CERS6: variants seen among roughly 807,000 people sequenced by gnomAD.
CERS6 encodes LAG1 homolog, ceramide synthase 6.
CERS6 carries 26 observed loss-of-function variants against 56.8 expected under a neutral mutation model. That is an observed-to-expected ratio of 0.46 (90% CI 0.34 to 0.63). The LOEUF is 0.63. Ranked by LOEUF, CERS6 falls within the 30% of genes least tolerant of loss-of-function variation. The pLI is 0.01. For synonymous variants in CERS6, 164 were observed against 173.3 expected (o/e 0.95, Z 0.42); for missense variants, 415 against 467.5 (o/e 0.89, Z 1.04).
chr2:168,711,481 C>A (rs576404089), intron 6 of CERS6, among the ~76,000 whole-genome samples: 22 of 152,290 alleles, frequency 1.4e-4, no homozygotes, highest in African/African-American at 4.6e-4. Context: ...AGCCTGTAAT[C>A]CTAGCACTTT....
At chr2:168,467,895 A>G (rs1348290047) in intron 1 of CERS6, among the ~76,000 whole-genome samples, 2 of 152,194 alleles carry the variant, frequency 1.3e-5, no homozygotes, top group Non-Finnish European at 2.9e-5. Context: ...ACATGGGGTC[A>G]TGGTACAACT....
At chr2:168,653,502 T>C (rs1175693174) in intron 4 of CERS6, among the ~76,000 whole-genome samples, 1 of 152,254 alleles carries the variant, frequency 6.6e-6, no homozygotes, top group Non-Finnish European at 1.5e-5. Context: ...AAATACCTTA[T>C]GTTAAAATTA....
At chr2:168,548,957 C>G (rs907927276) in intron 2 of CERS6, among the ~76,000 whole-genome samples, 13 of 152,054 alleles carry the variant, frequency 8.5e-5, no homozygotes, top group African/African-American at 2.9e-4. Context: ...ACATATCTTA[C>G]AGTATTTAAA....
At chr2:168,566,800 C>CCA (rs1695891814) in intron 3 of CERS6, among the ~76,000 whole-genome samples, 2 of 144,268 alleles carry the variant, frequency 1.4e-5, no homozygotes, top group Non-Finnish European at 3.0e-5. Context: ...CACCTACTTG[C>CCA]AAAAAAAAAA....
chr2:168,536,093 G>C (rs1307200417), intron 1 of CERS6, among the ~76,000 whole-genome samples: 1 of 152,176 alleles, frequency 6.6e-6, no homozygotes, highest in African/African-American at 2.4e-5. Context: ...GCTAGCAAAA[G>C]TGATCCTAAA....
At chr2:168,631,542 T>C (rs1684721216) in intron 4 of CERS6, among the ~76,000 whole-genome samples, 1 of 110,266 alleles carries the variant, frequency 9.1e-6, no homozygotes, top group African/African-American at 3.3e-5. Flanking sequence ...ATATTAAATA[T>C]ATTATATTTT....
intron 4 of CERS6, among the ~76,000 whole-genome samples, chr2:168,641,275 C>CT (rs1685037376): frequency 6.6e-6 from 1 of 151,662 alleles, no homozygotes; most frequent in Admixed American, 6.6e-5. Flanking sequence ...TTAGACGTGT[C>CT]TTTCAATTAA....
intron 4 of CERS6, among the ~76,000 whole-genome samples, chr2:168,646,365 T>G (rs1574126219): frequency 6.6e-6 from 1 of 152,210 alleles, no homozygotes; most frequent in Admixed American, 6.5e-5. Context: ...CTGTTGATTT[T>G]CTTTGCCCAC....
intron 3 of CERS6, among the ~76,000 whole-genome samples, chr2:168,585,902 G>A (rs535829020): frequency 6.6e-6 from 1 of 152,260 alleles, no homozygotes; most frequent in South Asian, 2.1e-4. Context: ...TGCACAACTA[G>A]GGAGGGAAAT....
chr2:168,702,103 C>T (rs1574173459), intron 6 of CERS6, among the ~76,000 whole-genome samples: 1 of 152,068 alleles, frequency 6.6e-6, no homozygotes, highest in Non-Finnish European at 1.5e-5. Flanking sequence ...TACAACCGTC[C>T]ATTTTTTAAA....
Position 168,488,643 on chromosome 2 carries a change from C to T in CERS6, c.170+32025C>T, listed in dbSNP as rs553643658. On this transcript the variant is annotated intron_variant, in intron 1 of 9. Transcript: ENST00000305747. ...ATTTGTTTCTTCCCCCTTTTTCTGT[C>T]TTTTGGGTTATTTGAATCTTTTTAG... Among the ~76,000 whole-genome samples the T allele has an allele frequency of 4.6e-5, 7 of 151,988 alleles. No individual in the cohort carries two copies. In the East Asian group the frequency reaches 1.4e-3, roughly 29 times the overall value.
Position 168,753,438 on chromosome 2 carries a change from A to C in CERS6, c.846-12154A>C, listed in dbSNP as rs148466187. ...TCATGCTTGTGAAGCCTGCAAGAGC[A>C]AAATTTTATCTAAATCTGCATTCAC... On this transcript the variant is annotated intron_variant, in intron 8 of 9. Coordinates refer to ENST00000305747, the MANE Select transcript of CERS6 (RefSeq NM_203463.3). Among the ~76,000 whole-genome samples, 1,153 of 152,354 alleles carry C rather than the reference A, an allele frequency of 7.6e-3. 9 individuals are homozygous for C. The highest frequency in any genetic ancestry group is 0.012 in the Non-Finnish European group (795 of 68,018).
chr2:168,702,784 A>G (rs1686837072), intron 6 of CERS6, among the ~76,000 whole-genome samples: 1 of 152,202 alleles, frequency 6.6e-6, no homozygotes, highest in Non-Finnish European at 1.5e-5. Context: ...TGACTTGACA[A>G]ATTTTAGTAT....
At chr2:168,641,726 G>A (rs565827363) in intron 4 of CERS6, among the ~76,000 whole-genome samples, 14 of 152,098 alleles carry the variant, frequency 9.2e-5, no homozygotes, top group African/African-American at 3.1e-4. Context: ...ATTACCATAC[G>A]GTATAATTCA....
chr2:168,720,306 A>G (rs1687330086), intron 8 of CERS6, among the ~76,000 whole-genome samples: 1 of 152,198 alleles, frequency 6.6e-6, no homozygotes, highest in Non-Finnish European at 1.5e-5. Context: ...TTTATATTAA[A>G]TCTTTGAAAT....
At chr2:168,717,750 A>G (rs1373877116) in intron 7 of CERS6, 122 bp from the exon 8 acceptor site, 2 of 634,208 alleles carry the variant, frequency 3.2e-6, no homozygotes, top group Admixed American at 3.2e-5. Flanking sequence ...TGAAATGCAT[A>G]AAAATGCAGG....
At chr2:168,600,186 A>G (rs1683898304) in intron 3 of CERS6, among the ~76,000 whole-genome samples, 1 of 55,728 alleles carries the variant, frequency 1.8e-5, no homozygotes, top group Non-Finnish European at 4.0e-5. Flanking sequence ...GTAAACTACC[A>G]TATTTCTCTC....
At chr2:168,699,888 G>T (rs368223484) in intron 6 of CERS6, among the ~76,000 whole-genome samples, 2 of 152,330 alleles carry the variant, frequency 1.3e-5, no homozygotes, top group South Asian at 2.1e-4. Context: ...AATTTCCAAA[G>T]GAAGCTAATA....
At chr2:168,531,806 G>T (rs1262530279) in intron 1 of CERS6, among the ~76,000 whole-genome samples, 1 of 149,288 alleles carries the variant, frequency 6.7e-6, no homozygotes, top group East Asian at 2.0e-4. Flanking sequence ...GGGCAACAGA[G>T]CGAGACTCTG....
Sources: gnomAD v4.1 joint callset for allele counts (sites outside exome capture counted in the v4.1 genomes callset) on GRCh38, gnomAD v4.1.1 for gene constraint, MANE v1.5 for transcripts, NCBI Gene and HGNC (gene_info 2026-07-23, HGNC 2026-07-21) for gene names.